Variants in TDRP observed in about 807,000 individuals in gnomAD.
The protein encoded by TDRP is testis development-related protein.
In TDRP, 12 loss-of-function variants were observed where a neutral mutation model predicts 10.5. That is an observed-to-expected ratio of 1.15 (90% CI 0.73 to 1.86). TDRP has a LOEUF of 1.86. TDRP is among the 40% of genes most tolerant of loss of function. The pLI is 0.00. For synonymous variants in TDRP, 139 were observed against 95.4 expected, an observed-to-expected ratio of 1.46 and a Z score of -2.67; for missense variants, 353 against 229.2, an observed-to-expected ratio of 1.54 and a Z score of -3.49.
intron 1 of TDRP, among the ~76,000 whole-genome samples, chr8:502,160 G>A (rs1046521551): frequency 1.3e-5 from 2 of 152,194 alleles, no homozygotes; most frequent in Non-Finnish European, 2.9e-5. Context: ...TTTCAATTAC[G>A]TACAACAAAA....
chr8:543,018 G>C (rs1563135318), intron 1 of TDRP, among the ~76,000 whole-genome samples: 1 of 149,342 alleles, frequency 6.7e-6, no homozygotes, highest in African/African-American at 2.5e-5. Flanking sequence ...TTCAAAGTAA[G>C]AACTTAAGGC....
chr8:542,900 G>A (rs1391691472), intron 1 of TDRP, among the ~76,000 whole-genome samples: 1 of 149,746 alleles, frequency 6.7e-6, no homozygotes, highest in African/African-American at 2.5e-5. Flanking sequence ...TGTGTAAAGG[G>A]AAAATCAGAA....
At chr8:507,173 T>C (rs1188095021) in intron 1 of TDRP, among the ~76,000 whole-genome samples, 3 of 152,148 alleles carry the variant, frequency 2.0e-5, no homozygotes, top group African/African-American at 7.2e-5. Context: ...TCACTCACTA[T>C]CATGAGAACA....
chr8:533,700 T>C (rs961867448), intron 1 of TDRP, among the ~76,000 whole-genome samples: 4 of 152,178 alleles, frequency 2.6e-5, no homozygotes, highest in African/African-American at 9.7e-5. Flanking sequence ...ATTTTCCCAG[T>C]TCTTCCCTGT....
Position 506,746 on chromosome 8 carries a change from G to A in TDRP, c.109-12149C>T, listed in dbSNP as rs114312302. Reference sequence around the variant, plus strand: ...GTCTTGGCTGAGAGATGTCCCTGGTGGAGAAGCAGGACATAAAGCAGACAG... The same window carrying A: ...GTCTTGGCTGAGAGATGTCCCTGGTAGAGAAGCAGGACATAAAGCAGACAG... On this transcript the variant is annotated intron_variant, in intron 1 of 2. Coordinates refer to ENST00000324079, the MANE Select transcript of TDRP (RefSeq NM_001384899.1). Among the ~76,000 whole-genome samples the A allele has an allele frequency of 8.5e-3, 1,302 of 152,314 alleles. 11 individuals carry two copies. Among genetic ancestry groups the A allele is most frequent in the African/African-American group, 0.03 (1,236 of 41,554 alleles).
Position 542,813 on chromosome 8 carries a change from C to G in TDRP, c.108+1837G>C, listed in dbSNP as rs569937830. Among the ~76,000 whole-genome samples the G allele has an allele frequency of 4.0e-5, 6 of 148,468 alleles. No homozygotes were observed. The South Asian group carries it at 1.1e-3, about 26-fold the overall frequency. ...GGGAGGGTGCAGTGAGCTGAGATCA[C>G]GCCACTGCACCCCACCCTGGGCGAC... On this transcript the variant is annotated intron_variant, in intron 1 of 2. Transcript: ENST00000324079.
intron 1 of TDRP, among the ~76,000 whole-genome samples, chr8:521,668 G>C (rs1412950967): frequency 6.6e-6 from 1 of 152,088 alleles, no homozygotes; most frequent in Non-Finnish European, 1.5e-5. Flanking sequence ...GAAAGTGTGA[G>C]GCTTCCAGTT....
At chr8:542,524 G>C (rs960300629) in intron 1 of TDRP, among the ~76,000 whole-genome samples, 2 of 152,004 alleles carry the variant, frequency 1.3e-5, no homozygotes, top group Non-Finnish European at 2.9e-5. Flanking sequence ...CTGAAAAATA[G>C]AGTCTATTAA....
intron 1 of TDRP, among the ~76,000 whole-genome samples, chr8:523,940 G>A (rs552859678): frequency 1.3e-5 from 2 of 152,302 alleles, no homozygotes; most frequent in South Asian, 4.1e-4. Context: ...GAGCCCTAGG[G>A]CCTTTAGCGA....
rs2116700412 is a variant in TDRP at position 491,641 on chromosome 8, C to G, written c.*758G>C. On this transcript the variant is annotated 3_prime_UTR_variant, in exon 3 of 3. Transcript: ENST00000324079. Reference sequence around the variant, plus strand: ...AATGTTTCCTAAATGAAATTATCAACTGACTAAAATTGATCCATACTTCTT... The same window carrying G: ...AATGTTTCCTAAATGAAATTATCAAGTGACTAAAATTGATCCATACTTCTT... The G allele has an allele frequency of 1.3e-6, 2 of 1,531,372 alleles. No individual in the cohort carries two copies. Among genetic ancestry groups the G allele is most frequent in the South Asian group, 2.4e-5 (2 of 82,834 alleles). The allele number at this position is 1,531,372 out of a possible 1,614,324, so 94.9% of individuals were successfully genotyped here. A position where few individuals can be genotyped will look rare whatever the true frequency, so the allele number is the denominator to read the frequency against.
intron 1 of TDRP, among the ~76,000 whole-genome samples, chr8:536,843 G>T (rs1032941079): frequency 3.9e-5 from 6 of 152,138 alleles, no homozygotes; most frequent in Admixed American, 2.0e-4. Flanking sequence ...GCAGCGCCCA[G>T]GATCCTCCTT....
chr8:536,231 C>T (rs1050405118), intron 1 of TDRP, among the ~76,000 whole-genome samples: 4 of 152,188 alleles, frequency 2.6e-5, no homozygotes, highest in Non-Finnish European at 5.9e-5. Flanking sequence ...ATTTACCTAG[C>T]TAATTGCTTG....
chr8:526,119 G>A (rs1160607726), intron 1 of TDRP, among the ~76,000 whole-genome samples: 2 of 152,152 alleles, frequency 1.3e-5, no homozygotes, highest in Non-Finnish European at 2.9e-5. Flanking sequence ...AGCCTTTAGT[G>A]AGCCTTTGAA....
intron 1 of TDRP, among the ~76,000 whole-genome samples, chr8:537,946 C>A (rs1460200856): frequency 6.6e-6 from 1 of 152,196 alleles, no homozygotes; most frequent in African/African-American, 2.4e-5. Context: ...CTAAGTGCTC[C>A]TTCATAATAA....
At chr8:510,173 T>C (rs1177280416) in intron 1 of TDRP, among the ~76,000 whole-genome samples, 5 of 152,264 alleles carry the variant, frequency 3.3e-5, no homozygotes, top group African/African-American at 4.8e-5. Context: ...TTTAAATAGG[T>C]ACGCATAATT....
intron 1 of TDRP, among the ~76,000 whole-genome samples, chr8:504,499 T>TAC (rs1039724344): frequency 3.6e-4 from 55 of 152,270 alleles, no homozygotes; most frequent in African/African-American, 1.2e-3. Context: ...CGGAGCCCCC[T>TAC]ACCCTGCAGG....
At chr8:526,583 T>C (rs78312813) in intron 1 of TDRP, among the ~76,000 whole-genome samples, 54 of 152,314 alleles carry the variant, frequency 3.5e-4, no homozygotes, top group African/African-American at 1.2e-3. Flanking sequence ...ATCTTTTTAG[T>C]ATGTTGTAGA....
upstream of TDRP, among the ~76,000 whole-genome samples, chr8:545,364 G>C (rs1219921815): frequency 5.1e-5 from 5 of 97,172 alleles, no homozygotes; most frequent in African/African-American, 8.3e-5. Flanking sequence ...CTACCCCCGA[G>C]CCCCCACCCG....
At chr8:499,938 C>T (rs576559013) in intron 1 of TDRP, among the ~76,000 whole-genome samples, 6 of 152,210 alleles carry the variant, frequency 3.9e-5, no homozygotes, top group Non-Finnish European at 7.3e-5. Context: ...AAGTTCTCCT[C>T]TTCCACGGGA....
Sources: allele counts gnomAD v4.1 joint callset (sites outside exome capture counted in the v4.1 genomes callset), GRCh38; gene constraint gnomAD v4.1.1; transcripts MANE v1.5; gene names NCBI Gene and HGNC (gene_info 2026-07-23, HGNC 2026-07-21).